The following ELAVL2 variants were observed in gnomAD, a reference collection of about 807,000 sequenced individuals.
The protein encoded by ELAVL2 is ELAV like RNA binding protein 2.
A neutral mutation model predicts 34.6 loss-of-function variants in ELAVL2; 4 were observed. The ratio of observed to expected loss-of-function variants is 0.12; its 90% CI spans 0.06 to 0.26. The LOEUF (loss-of-function observed/expected upper bound fraction) is 0.26, where lower values mean the gene tolerates loss of function less well. ELAVL2 is among the 10% of genes least tolerant of loss of function. The pLI is 1.00. For missense variants in ELAVL2, 432 were observed against 442.8 expected (o/e 0.98, Z 0.22); for synonymous variants, 193 against 154.8 (o/e 1.25, Z -1.83).
chr9:23,714,809 A>C (rs2041886958), intron 3 of ELAVL2, among the ~76,000 whole-genome samples: 1 of 152,118 alleles, frequency 6.6e-6, no homozygotes, highest in Non-Finnish European at 1.5e-5. Context: ...TCCCAGTTAA[A>C]AAAAAAATAC....
chr9:23,809,565 T>G (rs1370715908), intron 1 of ELAVL2, among the ~76,000 whole-genome samples: 1 of 152,182 alleles, frequency 6.6e-6, no homozygotes, highest in Admixed American at 6.5e-5. Flanking sequence ...TTACCTATCA[T>G]TCATGATTTA....
chr9:23,776,239 C>G (rs912680268), intron 1 of ELAVL2, among the ~76,000 whole-genome samples: 1 of 152,184 alleles, frequency 6.6e-6, no homozygotes, highest in African/African-American at 2.4e-5. Flanking sequence ...CCGCATATAG[C>G]TACTAATTCC....
intron 3 of ELAVL2, among the ~76,000 whole-genome samples, chr9:23,718,265 G>A (rs2042810027): frequency 6.6e-6 from 1 of 152,070 alleles, no homozygotes; most frequent in African/African-American, 2.4e-5. Flanking sequence ...TTAAACACCT[G>A]TTTTAAATTT....
chr9:23,815,312 A>C (rs2063550984), intron 1 of ELAVL2, among the ~76,000 whole-genome samples: 1 of 152,186 alleles, frequency 6.6e-6, no homozygotes, highest in African/African-American at 2.4e-5. Context: ...ATTTTCAAGG[A>C]AAATGCATTT....
intron 3 of ELAVL2, among the ~76,000 whole-genome samples, chr9:23,726,184 C>A (rs1436376455): frequency 6.6e-6 from 1 of 151,916 alleles, no homozygotes; most frequent in Non-Finnish European, 1.5e-5. Flanking sequence ...GCTTAGAATA[C>A]AGGTTTCTTA....
intron 2 of ELAVL2, among the ~76,000 whole-genome samples, chr9:23,760,980 A>ACC (rs1564331515): frequency 6.6e-6 from 1 of 151,766 alleles, no homozygotes; most frequent in Non-Finnish European, 1.5e-5. Flanking sequence ...GCCCAGTGTT[A>ACC]CCCCCTTTTT....
chr9:23,692,589 A>T lies in ELAVL2; in HGVS notation c.1048T>A (p.Ser350Thr). The T allele has an allele frequency of 6.2e-7, 1 of 1,614,022 alleles. No homozygotes were observed. Among genetic ancestry groups the T allele is most frequent in the Non-Finnish European group, 8.5e-7 (1 of 1,179,892 alleles). The change falls in exon 7 of 7, where the codon TCC becomes ACC. Residue 350 changes from serine to threonine, a missense_variant. Around this residue, in one of 3 missense-constraint regions of ELAVL2, gnomAD observed 295 missense variants for 306.1 expected, o/e 0.96. Coordinates refer to ENST00000397312, the MANE Select transcript of ELAVL2 (RefSeq NM_004432.5). ...TTGTGCGTTTTGTTTGTCTTAAAGGAGACCTGCAGTACTCTGTCTCCCAGA... is the reference window on the plus strand; with the variant it reads ...TTGTGCGTTTTGTTTGTCTTAAAGGTGACCTGCAGTACTCTGTCTCCCAGA... The part of the protein sequence containing the change: ...YRLGDRVLQV[S>T]FKTNKTHKA
chr9:23,821,696 A>AGGCGGT (rs1462507707), intron 1 of ELAVL2: 7 of 152,170 alleles, frequency 4.6e-5, no homozygotes, highest in African/African-American at 1.7e-4. Context: ...CTCCGCGGAG[A>AGGCGGT]GGCGGTGGCG....
intron 2 of ELAVL2, among the ~76,000 whole-genome samples, chr9:23,745,376 C>CTG (rs1415558554): frequency 6.6e-6 from 1 of 152,162 alleles, no homozygotes; most frequent in Non-Finnish European, 1.5e-5. Flanking sequence ...GGTCATTCCC[C>CTG]TGCCCTACCC....
chr9:23,734,096 G>C (rs2047251403), intron 2 of ELAVL2, among the ~76,000 whole-genome samples: 1 of 152,160 alleles, frequency 6.6e-6, no homozygotes, highest in African/African-American at 2.4e-5. Flanking sequence ...TAATATGAAA[G>C]GGGGTATCTG....
rs745417152 is a variant in ELAVL2, at chr9:23,762,266, C to T, written c.-15-17G>A. 1.2e-5 allele frequency: 19 copies of T among 1,610,804 alleles called. No homozygotes were observed. In the Admixed American group the frequency reaches 3.0e-4, roughly 26 times the overall value. On this transcript the variant is annotated splice_polypyrimidine_tract_variant and intron_variant, in intron 1 of 6. Coordinates refer to ENST00000397312, the MANE Select transcript of ELAVL2 (RefSeq NM_004432.5). The stretch of plus-strand genomic sequence containing the variant: ...AATTACCTGCTAAAAACAGAGAAAA[C>T]AAGAAATGTCAGAATTCATATTTCA...
chr9:23,710,737 T>C (rs914356308), intron 3 of ELAVL2, among the ~76,000 whole-genome samples: 1 of 152,228 alleles, frequency 6.6e-6, no homozygotes, highest in African/African-American at 2.4e-5. Flanking sequence ...TCATATTTTT[T>C]AAAGATGGAG....
chr9:23,777,111 A>G (rs1309897065), intron 1 of ELAVL2, among the ~76,000 whole-genome samples: 1 of 152,202 alleles, frequency 6.6e-6, no homozygotes, highest in Non-Finnish European at 1.5e-5. Flanking sequence ...AGCAGTAAAT[A>G]GTCTTTAACT....
In ELAVL2 at chr9:23,762,339, C is replaced by CT. The variant is rs1365471701; in HGVS notation, c.-15-91_-15-90insA. 2.7e-6 allele frequency: 4 copies of CT among 1,492,418 alleles called. No homozygotes were observed. In the African/African-American group the frequency reaches 5.6e-5, roughly 21 times the overall value. The allele number at this position is 1,492,418 out of a possible 1,614,324, so 92.4% of individuals were successfully genotyped here. A position where few individuals can be genotyped will look rare whatever the true frequency, so the allele number is the denominator to read the frequency against. On this transcript the variant is annotated intron_variant, in intron 1 of 6. Transcript: ENST00000397312. ...AAGAATTTAAACACTTGTCACTAAA[C>CT]ACAAGTCGTTCTAATGAAATTACAA...
intron 3 of ELAVL2, among the ~76,000 whole-genome samples, chr9:23,715,647 C>T (rs1347028266): frequency 1.3e-5 from 2 of 152,178 alleles, no homozygotes; most frequent in Non-Finnish European, 2.9e-5. Flanking sequence ...AAACTTGACC[C>T]AATGACATCT....
intron 2 of ELAVL2, among the ~76,000 whole-genome samples, chr9:23,743,546 CTT>C (rs1375073693): frequency 6.6e-6 from 1 of 152,164 alleles, no homozygotes; most frequent in African/African-American, 2.4e-5. Context: ...CTTGTCTTGT[CTT>C]TTACCACTGA....
chr9:23,758,970 A>C (rs944167225), intron 2 of ELAVL2, among the ~76,000 whole-genome samples: 5 of 152,066 alleles, frequency 3.3e-5, no homozygotes, highest in African/African-American at 9.7e-5. Flanking sequence ...GTGGGAAGGC[A>C]AATTAATACA....
chr9:23,727,848 G>C (rs114228892), intron 3 of ELAVL2, among the ~76,000 whole-genome samples: 1 of 151,980 alleles, frequency 6.6e-6, no homozygotes. Context: ...AATGCTATTA[G>C]GGAGCCCCAG....
the ELAVL2 span, among the ~76,000 whole-genome samples, chr9:23,845,714 G>A: frequency 1.3e-5 from 2 of 151,560 alleles, no homozygotes; most frequent in Admixed American, 6.6e-5. Context: ...CAAAATGGAT[G>A]TATCAATTTT....
Sources: allele counts gnomAD v4.1 joint callset (sites outside exome capture counted in the v4.1 genomes callset), GRCh38; gene constraint gnomAD v4.1.1; regional missense constraint gnomAD v4.1.1; transcripts MANE v1.5; gene names NCBI Gene and HGNC (gene_info 2026-07-23, HGNC 2026-07-21).